EXOC4: variants seen among roughly 807,000 people sequenced by gnomAD.
EXOC4 encodes exocyst complex component 4.
Under a neutral mutation model 107.2 loss-of-function variants are expected in EXOC4, and 71 were observed. The observed-to-expected ratio is 0.66, with a 90% CI of 0.55 to 0.81. The LOEUF (loss-of-function observed/expected upper bound fraction) is 0.81, where lower values mean the gene tolerates loss of function less well. Ranked by LOEUF, EXOC4 falls within the 30% of genes least tolerant of loss-of-function variation. The pLI is 0.00. For synonymous variants in EXOC4, 456 were observed against 441.2 expected (o/e 1.03, Z -0.42); for missense variants, 1,108 against 1,189.6 (o/e 0.93, Z 1.01).
intron 9 of EXOC4, among the ~76,000 whole-genome samples, chr7:133,515,768 C>T (rs10954417): frequency 0.77 from 116,494 of 152,086 alleles, 45,389 homozygotes; most frequent in East Asian, 0.95. Context: ...AGTTCCTGAC[C>T]GGCACTGATT....
chr7:133,921,200 T>C (rs1411733762), intron 13 of EXOC4, among the ~76,000 whole-genome samples: 1 of 152,166 alleles, frequency 6.6e-6, no homozygotes, highest in Non-Finnish European at 1.5e-5. Flanking sequence ...GGAGCTTCAG[T>C]GTCTGAGGAC....
chr7:134,074,370 A>T, the EXOC4 span, among the ~76,000 whole-genome samples: 50 of 152,214 alleles, frequency 3.3e-4, no homozygotes, highest in Admixed American at 7.8e-4. Context: ...TGTTAACCAG[A>T]CTTCTGAGGA....
At chr7:133,845,406 A>G (rs1170791284) in intron 11 of EXOC4, among the ~76,000 whole-genome samples, 1 of 147,566 alleles carries the variant, frequency 6.8e-6, no homozygotes, top group Non-Finnish European at 1.5e-5. Flanking sequence ...ATATTATACT[A>G]TATTTTATAT....
At chr7:133,839,878 A>T (rs1373650967) in intron 11 of EXOC4, among the ~76,000 whole-genome samples, 2 of 152,244 alleles carry the variant, frequency 1.3e-5, no homozygotes, top group South Asian at 4.1e-4. Flanking sequence ...TCCATAGCAC[A>T]GTCTCAGACA....
rs772864235 is a variant in EXOC4, at chr7:133,430,219, C to T, written c.1183-45109C>T. On this transcript the variant is annotated intron_variant, in intron 7 of 17. Coordinates refer to ENST00000253861, the MANE Select transcript of EXOC4 (RefSeq NM_021807.4). ...CAACCGTCCCCAGCTGAACTCCTTT[C>T]GACATTCAGTTGCTTCTTCTCTTTT... Among the ~76,000 whole-genome samples the T allele has an allele frequency of 4.6e-5, 7 of 152,288 alleles. No homozygotes were observed. In the East Asian group the frequency reaches 1.2e-3, roughly 25 times the overall value.
Position 133,426,028 on chromosome 7 carries a change from A to T in EXOC4, c.1183-49300A>T, listed in dbSNP as rs970837016. Among the ~76,000 whole-genome samples the T allele has an allele frequency of 3.3e-5, 5 of 152,196 alleles. No homozygotes were observed. In the East Asian group the frequency reaches 5.8e-4, roughly 18 times the overall value. ...ACCACCTTGGGCACGTGTTCTCAGG[A>T]TCTCATGAGGGTTGTGCCATTGGCC... On this transcript the variant is annotated intron_variant, in intron 7 of 17. Transcript: ENST00000253861.
At chr7:133,625,467 C>T (rs747378948) in intron 9 of EXOC4, among the ~76,000 whole-genome samples, 2 of 152,218 alleles carry the variant, frequency 1.3e-5, no homozygotes, top group Non-Finnish European at 2.9e-5. Context: ...GTTCCATAGT[C>T]ATTTCAGTGA....
chr7:134,085,345 A>C, the EXOC4 span, among the ~76,000 whole-genome samples: 50 of 147,852 alleles, frequency 3.4e-4, no homozygotes, highest in Non-Finnish European at 5.0e-4. Flanking sequence ...AAAAAAAAAA[A>C]CCAACTTTTT....
intron 13 of EXOC4, among the ~76,000 whole-genome samples, chr7:133,929,240 C>T (rs994678420): frequency 3.3e-5 from 5 of 152,056 alleles, no homozygotes; most frequent in African/African-American, 4.8e-5. Context: ...TACAGTAGTA[C>T]CTTTTTAGAC....
intron 10 of EXOC4, among the ~76,000 whole-genome samples, chr7:133,721,722 G>A (rs1021360550): frequency 3.3e-5 from 5 of 152,070 alleles, no homozygotes; most frequent in African/African-American, 1.2e-4. Flanking sequence ...TCCATGGATC[G>A]CTTGTGTCCA....
At chr7:133,581,757 CAAAAAAA>C (rs71162005) in intron 9 of EXOC4, among the ~76,000 whole-genome samples, 1 of 82,912 alleles carries the variant, frequency 1.2e-5, no homozygotes, top group Non-Finnish European at 2.3e-5. Flanking sequence ...GACTCCGTCT[CAAAAAAA>C]AAAAAAAAAA....
At chr7:133,738,847 T>G (rs1171644782) in intron 10 of EXOC4, among the ~76,000 whole-genome samples, 2 of 152,170 alleles carry the variant, frequency 1.3e-5, no homozygotes, top group African/African-American at 2.4e-5. Flanking sequence ...TCCGTTCTGT[T>G]CAAATGGTTA....
intron 12 of EXOC4, among the ~76,000 whole-genome samples, chr7:133,898,145 T>A (rs1025945281): frequency 6.6e-6 from 1 of 152,080 alleles, no homozygotes; most frequent in Non-Finnish European, 1.5e-5. Flanking sequence ...TGGATACATT[T>A]AAAATAGTGA....
At chr7:133,458,448 A>G (rs534793323) in intron 7 of EXOC4, among the ~76,000 whole-genome samples, 2 of 152,304 alleles carry the variant, frequency 1.3e-5, no homozygotes, top group African/African-American at 4.8e-5. Context: ...TCAACATGTC[A>G]CTCCAGGGAC....
intron 10 of EXOC4, among the ~76,000 whole-genome samples, chr7:133,719,204 GC>G (rs1419676944): frequency 6.6e-6 from 1 of 152,142 alleles, no homozygotes; most frequent in Non-Finnish European, 1.5e-5. Flanking sequence ...TTTGCCTTCT[GC>G]CATCCACGTA....
chr7:133,698,574 C>CAA (rs71892513), intron 10 of EXOC4, among the ~76,000 whole-genome samples: 73,226 of 143,326 alleles, frequency 0.51, 20,575 homozygotes, highest in African/African-American at 0.76. Flanking sequence ...AGAGTGGTGT[C>CAA]AAAAAAAAAA....
chr7:133,745,775 A>G (rs1259065886), intron 10 of EXOC4, among the ~76,000 whole-genome samples: 2 of 95,204 alleles, frequency 2.1e-5, no homozygotes, highest in African/African-American at 4.3e-5. Flanking sequence ...GTATTGGTCT[A>G]TTTAGTTGGT....
chr7:134,082,047 G>A, the EXOC4 span, among the ~76,000 whole-genome samples: 1 of 152,176 alleles, frequency 6.6e-6, no homozygotes, highest in Non-Finnish European at 1.5e-5. Context: ...CCAAGAGAGG[G>A]TTCTTGGATC....
intron 10 of EXOC4, among the ~76,000 whole-genome samples, chr7:133,638,701 C>G (rs1021801255): frequency 2.0e-5 from 3 of 152,048 alleles, no homozygotes; most frequent in Non-Finnish European, 4.4e-5. Context: ...TAACTTAACT[C>G]TTCCAGTGAC....
Sources: allele counts gnomAD v4.1 joint callset (sites outside exome capture counted in the v4.1 genomes callset), GRCh38; gene constraint gnomAD v4.1.1; transcripts MANE v1.5; gene names NCBI Gene and HGNC (gene_info 2026-07-23, HGNC 2026-07-21).